Variants in CNTNAP2 observed in about 807,000 individuals in gnomAD.
CNTNAP2 encodes the protein contactin associated protein 2.
Under a neutral mutation model 155.2 loss-of-function variants are expected in CNTNAP2, and 98 were observed. That is an observed-to-expected ratio of 0.63 (90% CI 0.54 to 0.75). CNTNAP2 has a LOEUF of 0.75. CNTNAP2 is among the 30% of genes least tolerant of loss of function. The probability of loss-of-function intolerance (pLI) is 0.00; values close to 1 mark genes in which losing one functional copy is unlikely to be tolerated. For synonymous variants in CNTNAP2, 651 were observed against 631.2 expected (o/e 1.03, Z -0.47); for missense variants, 1,727 against 1,688.1 (o/e 1.02, Z -0.40).
intron 13 of CNTNAP2, among the ~76,000 whole-genome samples, chr7:147,762,753 A>C (rs1320141196): frequency 6.8e-6 from 1 of 146,470 alleles, no homozygotes; most frequent in African/African-American, 2.6e-5. Flanking sequence ...GGAAGGAAGG[A>C]GGAAGGAAGA....
chr7:146,133,048 A>G (rs1433532732), intron 1 of CNTNAP2, among the ~76,000 whole-genome samples: 6 of 146,096 alleles, frequency 4.1e-5, no homozygotes, highest in Admixed American at 1.3e-4. Context: ...AAGTGTTCCT[A>G]TTTCTCCACA....
intron 18 of CNTNAP2, among the ~76,000 whole-genome samples, chr7:148,197,120 C>A (rs1795290972): frequency 6.6e-6 from 1 of 152,132 alleles, no homozygotes; most frequent in Non-Finnish European, 1.5e-5. Context: ...GGAAAAAAAT[C>A]ATTCCTTTAC....
intron 11 of CNTNAP2, among the ~76,000 whole-genome samples, chr7:147,528,071 A>C (rs1323790676): frequency 2.6e-5 from 4 of 152,166 alleles, no homozygotes; most frequent in African/African-American, 9.7e-5. Context: ...GTGGACTCTA[A>C]GGATATTGAC....
intron 8 of CNTNAP2, among the ~76,000 whole-genome samples, chr7:147,173,689 A>G (rs950655301): frequency 6.6e-6 from 1 of 152,216 alleles, no homozygotes; most frequent in Non-Finnish European, 1.5e-5. Context: ...TGAAGTAGCC[A>G]GAGTGATTTC....
At chr7:147,461,780 C>G (rs1283540705) in intron 10 of CNTNAP2, among the ~76,000 whole-genome samples, 1 of 152,026 alleles carries the variant, frequency 6.6e-6, no homozygotes, top group Non-Finnish European at 1.5e-5. Context: ...TATCATAGAA[C>G]AGGAACTACA....
At chr7:148,203,982 T>A (rs1054764643) in intron 18 of CNTNAP2, among the ~76,000 whole-genome samples, 8 of 152,292 alleles carry the variant, frequency 5.3e-5, no homozygotes, top group African/African-American at 1.9e-4. Flanking sequence ...AAGAACTACC[T>A]GCTAAGAGTC....
chr7:147,744,397 C>T (rs1206334654), intron 13 of CNTNAP2, among the ~76,000 whole-genome samples: 1 of 152,156 alleles, frequency 6.6e-6, no homozygotes, highest in Non-Finnish European at 1.5e-5. Context: ...AGACACACAT[C>T]CTAAACTTAC....
intron 1 of CNTNAP2, among the ~76,000 whole-genome samples, chr7:146,437,203 G>A (rs1639442): frequency 0.037 from 5,598 of 151,260 alleles, 586 homozygotes; most frequent in African/African-American, 0.13. Flanking sequence ...TGATGATCTT[G>A]GGTGGAACAC....
intron 1 of CNTNAP2, among the ~76,000 whole-genome samples, chr7:146,663,032 C>G (rs1354750125): frequency 6.6e-6 from 1 of 152,022 alleles, no homozygotes; most frequent in Non-Finnish European, 1.5e-5. Context: ...AATTCCAGCA[C>G]TTTGGAAGGC....
At chr7:147,096,482 T>C (rs1034881302) in intron 4 of CNTNAP2, among the ~76,000 whole-genome samples, 1 of 152,196 alleles carries the variant, frequency 6.6e-6, no homozygotes, top group African/African-American at 2.4e-5. Flanking sequence ...TTCATTAGAA[T>C]CTCTTTTTGG....
chr7:147,741,179 G>A (rs973585234), intron 13 of CNTNAP2, among the ~76,000 whole-genome samples: 8 of 152,200 alleles, frequency 5.3e-5, no homozygotes, highest in Admixed American at 2.0e-4. Flanking sequence ...GGTCATTACA[G>A]CACTGGCCGC....
chr7:146,856,799 A>G (rs1204269933), intron 3 of CNTNAP2, among the ~76,000 whole-genome samples: 1 of 152,156 alleles, frequency 6.6e-6, no homozygotes. Flanking sequence ...ACCAAAATTG[A>G]AGAATATTCT....
chr7:147,948,780 A>G (rs1002468911), intron 14 of CNTNAP2, among the ~76,000 whole-genome samples: 1 of 151,908 alleles, frequency 6.6e-6, no homozygotes, highest in Admixed American at 6.6e-5. Flanking sequence ...AATTTTAACC[A>G]CTAATAGCCT....
At chr7:148,124,663 A>C (rs1316045638) in intron 16 of CNTNAP2, among the ~76,000 whole-genome samples, 1 of 152,214 alleles carries the variant, frequency 6.6e-6, no homozygotes, top group African/African-American at 2.4e-5. Flanking sequence ...CCTGTTCTAA[A>C]GCTTTTGTAG....
intron 10 of CNTNAP2, among the ~76,000 whole-genome samples, chr7:147,397,236 A>G (rs1796831642): frequency 6.6e-6 from 1 of 152,078 alleles, no homozygotes; most frequent in South Asian, 2.1e-4. Flanking sequence ...TAATGGAAAT[A>G]TACTCCTAAT....
chr7:146,677,933 C>T (rs1339499798), intron 1 of CNTNAP2, among the ~76,000 whole-genome samples: 2 of 152,086 alleles, frequency 1.3e-5, no homozygotes, highest in East Asian at 3.9e-4. Context: ...GTCCCACGCT[C>T]ATATCTCTCT....
At chr7:148,001,099 T>C (rs1188297415) in intron 15 of CNTNAP2, among the ~76,000 whole-genome samples, 7 of 152,198 alleles carry the variant, frequency 4.6e-5, no homozygotes, top group Non-Finnish European at 8.8e-5. Context: ...AAGTGATCCT[T>C]AGCTTAATTA....
chr7:146,954,413 G>A (rs1197635979), intron 3 of CNTNAP2, among the ~76,000 whole-genome samples: 1 of 151,854 alleles, frequency 6.6e-6, no homozygotes, highest in Non-Finnish European at 1.5e-5. Flanking sequence ...CTGTGCATAT[G>A]TTTCAGTTCA....
At chr7:147,482,584 G>A (rs143825506) in intron 10 of CNTNAP2, among the ~76,000 whole-genome samples, 2,380 of 152,134 alleles carry the variant, frequency 0.016, 64 homozygotes, top group African/African-American at 0.055. Context: ...AGCCGGGCGT[G>A]GTGGCGGGTG....
Sources: gnomAD v4.1 joint callset for allele counts (sites outside exome capture counted in the v4.1 genomes callset) on GRCh38, gnomAD v4.1.1 for gene constraint, MANE v1.5 for transcripts, NCBI Gene and HGNC (gene_info 2026-07-23, HGNC 2026-07-21) for gene names.